OMA1: variants seen among roughly 807,000 people sequenced by gnomAD.
OMA1 encodes the protein OMA1 zinc metallopeptidase, also known as metalloendopeptidase OMA1, mitochondrial.
OMA1 carries 38 observed loss-of-function variants against 30.9 expected under a neutral mutation model. The observed-to-expected ratio is 1.23, with a 90% CI of 0.95 to 1.61. The LOEUF (loss-of-function observed/expected upper bound fraction) is 1.61, where lower values mean the gene tolerates loss of function less well. Among genes scored for constraint, OMA1 ranks in the 40% most tolerant of loss-of-function variants. The pLI is 0.00. For missense variants in OMA1, 461 were observed against 349.2 expected (o/e 1.32, Z -2.55); for synonymous variants, 173 against 121.9 (o/e 1.42, Z -2.76).
chr1:58,514,584 T>C (rs1485776369), intron 7 of OMA1, among the ~76,000 whole-genome samples: 1 of 152,180 alleles, frequency 6.6e-6, no homozygotes, highest in Non-Finnish European at 1.5e-5. Context: ...ACCCTACACT[T>C]GTCCCAGTCA....
chr1:58,510,083 C>T (rs1056221013), intron 7 of OMA1, among the ~76,000 whole-genome samples: 1 of 152,106 alleles, frequency 6.6e-6, no homozygotes, highest in East Asian at 1.9e-4. Context: ...GTCAATGACT[C>T]TCAAAGTCTT....
chr1:58,536,793 A>T, intron 2 of OMA1, 52 bp from the exon 3 acceptor site: 1 of 824,468 alleles, frequency 1.2e-6, no homozygotes. Flanking sequence ...AGCACATATC[A>T]CTAAAGCTCA....
intron 8 of OMA1, among the ~76,000 whole-genome samples, chr1:58,481,881 C>T (rs1299621648): frequency 6.6e-6 from 1 of 152,194 alleles, no homozygotes; most frequent in Non-Finnish European, 1.5e-5. Flanking sequence ...GATTGTGAGG[C>T]CATCCTCAGC....
At chr1:58,493,151 A>G (rs1489469132) in intron 8 of OMA1, among the ~76,000 whole-genome samples, 1 of 152,204 alleles carries the variant, frequency 6.6e-6, no homozygotes, top group Non-Finnish European at 1.5e-5. Context: ...TATAAACAGA[A>G]CCAACGAGAA....
At chr1:58,526,383 C>T (rs1646349966) in intron 7 of OMA1, among the ~76,000 whole-genome samples, 2 of 151,958 alleles carry the variant, frequency 1.3e-5, no homozygotes. Context: ...CTACCAGAAA[C>T]ATAACAAAGG....
intron 8 of OMA1, among the ~76,000 whole-genome samples, chr1:58,482,834 G>A (rs2100352220): frequency 6.6e-6 from 1 of 152,236 alleles, no homozygotes; most frequent in South Asian, 2.1e-4. Flanking sequence ...ACAGCCGAGT[G>A]GAGCAGGGTG....
intron 7 of OMA1, among the ~76,000 whole-genome samples, chr1:58,509,748 G>A (rs998433256): frequency 9.9e-5 from 15 of 151,384 alleles, no homozygotes; most frequent in African/African-American, 2.9e-4. Flanking sequence ...CTGACAAGTC[G>A]TTAGAGTAAG....
intron 8 of OMA1, among the ~76,000 whole-genome samples, chr1:58,491,717 A>C (rs1645694652): frequency 1.3e-5 from 2 of 152,248 alleles, no homozygotes; most frequent in African/African-American, 4.8e-5. Flanking sequence ...AGAGCTAACT[A>C]TCCTAAATAT....
chr1:58,524,387 G>A (rs1019558988), intron 7 of OMA1, among the ~76,000 whole-genome samples: 1 of 152,100 alleles, frequency 6.6e-6, no homozygotes, highest in Non-Finnish European at 1.5e-5. Flanking sequence ...TCCTTCGCTG[G>A]CATTAAATTC....
intron 8 of OMA1, among the ~76,000 whole-genome samples, chr1:58,483,449 A>G (rs1645523428): frequency 6.6e-6 from 1 of 152,210 alleles, no homozygotes; most frequent in Non-Finnish European, 1.5e-5. Context: ...GAGCACTTCT[A>G]GCTCTGATTA....
At chr1:58,523,900 A>C (rs1406626870) in intron 7 of OMA1, among the ~76,000 whole-genome samples, 1 of 152,146 alleles carries the variant, frequency 6.6e-6, no homozygotes, top group Non-Finnish European at 1.5e-5. Flanking sequence ...CTCCATCTCA[A>C]AAAAAGAAAA....
rs138420132 is a variant in OMA1, at chr1:58,505,036, T to C, written c.1365+1024A>G. Among the ~76,000 whole-genome samples, 247 of 152,260 alleles carry C rather than the reference T, an allele frequency of 1.6e-3. 1 individual carries two copies. The highest frequency in any genetic ancestry group is 5.8e-3 in the African/African-American group (241 of 41,540). ...GGCACGATCTCGGCTCACTACAACTTCTGCCTCCAGGGTTCAAGCGATTCC... is the reference window on the plus strand; with the variant it reads ...GGCACGATCTCGGCTCACTACAACTCCTGCCTCCAGGGTTCAAGCGATTCC... On this transcript the variant is annotated intron_variant, in intron 8 of 8. Transcript: ENST00000371226.
At position 58,488,660 on chromosome 1, in the gene OMA1, C is replaced by T. The variant is rs554951951; in HGVS notation, c.1366-7486G>A. 3.3e-5 allele frequency among the ~76,000 whole-genome samples: 5 copies of T among 152,318 alleles called. No homozygotes were observed. The East Asian group carries it at 9.7e-4, about 29-fold the overall frequency. On this transcript the variant is annotated intron_variant, in intron 8 of 8. Transcript: ENST00000371226. ...AGAGACAGGGTTTCTCCATGTTGGT[C>T]AGGCTGGTCTTGAACTCCCGACCTC...
At chr1:58,514,933 T>C (rs565453410) in intron 7 of OMA1, among the ~76,000 whole-genome samples, 2 of 152,304 alleles carry the variant, frequency 1.3e-5, no homozygotes, top group East Asian at 1.9e-4. Context: ...GGTTTACCTA[T>C]ACCTCACAGG....
intron 8 of OMA1, among the ~76,000 whole-genome samples, chr1:58,489,451 G>A (rs1358849938): frequency 1.6e-4 from 25 of 152,322 alleles, no homozygotes; most frequent in Admixed American, 1.0e-3. Context: ...TGGGAAGCTC[G>A]AACTGGGTGG....
chr1:58,533,507 G>A (rs1646468722), intron 5 of OMA1, among the ~76,000 whole-genome samples: 1 of 152,010 alleles, frequency 6.6e-6, no homozygotes, highest in Admixed American at 6.6e-5. Context: ...AATTACACAT[G>A]ACACATCATT....
chr1:58,502,149 T>C (rs1461842148), intron 8 of OMA1, among the ~76,000 whole-genome samples: 1 of 152,228 alleles, frequency 6.6e-6, no homozygotes, highest in Admixed American at 6.5e-5. Flanking sequence ...TGTGATGATA[T>C]GCAAGGGATC....
At chr1:58,490,919 C>A (rs1474025839) in intron 8 of OMA1, among the ~76,000 whole-genome samples, 4 of 147,632 alleles carry the variant, frequency 2.7e-5, no homozygotes, top group African/African-American at 7.4e-5. Flanking sequence ...CATTCTCCTG[C>A]CTCAGCCTTC....
chr1:58,524,369 T>C lies in OMA1; in HGVS notation c.1215+2892A>G, dbSNP rs77375040. On this transcript the variant is annotated intron_variant, in intron 7 of 8. Coordinates refer to ENST00000371226, the MANE Select transcript of OMA1 (RefSeq NM_145243.5). ...TTTTTAAGCCAAATCTCTAAAACTATCAAACCATCCTTCGCTGGCATTAAA... is the reference window on the plus strand; with the variant it reads ...TTTTTAAGCCAAATCTCTAAAACTACCAAACCATCCTTCGCTGGCATTAAA... Among the ~76,000 whole-genome samples, 199 of 152,328 alleles carry C rather than the reference T, an allele frequency of 1.3e-3. 1 individual carries two copies. In the East Asian group the frequency reaches 0.034, roughly 26 times the overall value.
Sources: allele counts gnomAD v4.1 joint callset (sites outside exome capture counted in the v4.1 genomes callset), GRCh38; gene constraint gnomAD v4.1.1; transcripts MANE v1.5; gene names NCBI Gene and HGNC (gene_info 2026-07-23, HGNC 2026-07-21).